IGF2R: variants seen among roughly 807,000 people sequenced by gnomAD.
IGF2R encodes cation-independent mannose-6-phosphate receptor.
IGF2R carries 91 observed loss-of-function variants against 270.6 expected under a neutral mutation model. That is an observed-to-expected ratio of 0.34 (90% CI 0.28 to 0.40). The LOEUF is 0.40. Ranked by LOEUF, IGF2R falls within the 10% of genes least tolerant of loss-of-function variation. The probability of loss-of-function intolerance (pLI) is 1.00; values close to 1 mark genes in which losing one functional copy is unlikely to be tolerated. For missense variants in IGF2R, 2,805 were observed against 3,188.3 expected, an observed-to-expected ratio of 0.88 and a Z score of 2.90; for synonymous variants, 1,316 against 1,258.9, an observed-to-expected ratio of 1.05 and a Z score of -0.96.
intron 4 of IGF2R, among the ~76,000 whole-genome samples, chr6:160,014,730 T>G (rs1777246627): frequency 6.6e-6 from 1 of 152,234 alleles, no homozygotes; most frequent in Admixed American, 6.5e-5. Flanking sequence ...GGTTAATGTT[T>G]TCATATGATC....
chr6:160,060,077 G>A (rs570595219), intron 22 of IGF2R, among the ~76,000 whole-genome samples: 4 of 152,342 alleles, frequency 2.6e-5, no homozygotes, highest in African/African-American at 9.6e-5. Flanking sequence ...CATCACATAG[G>A]CCACCATTGC....
intron 1 of IGF2R, among the ~76,000 whole-genome samples, chr6:159,975,311 T>C (rs949938256): frequency 2.6e-5 from 4 of 152,298 alleles, no homozygotes; most frequent in African/African-American, 9.6e-5. Flanking sequence ...AAGAGATGTT[T>C]AGGGCGAGGT....
chr6:160,035,644 A>G (rs1431751749), intron 10 of IGF2R, among the ~76,000 whole-genome samples: 3 of 152,194 alleles, frequency 2.0e-5, no homozygotes, highest in Non-Finnish European at 4.4e-5. Context: ...CCCTTTTGTT[A>G]CTTTCACAAT....
Position 160,047,222 on chromosome 6 carries a change from C to A in IGF2R, c.2115C>A (p.Ile705=). 1.9e-6 allele frequency: 3 copies of A among 1,613,982 alleles called. No individual in the cohort carries two copies. The African/African-American group carries it at 4.0e-5, about 22-fold the overall frequency. ...NAKLSYYDGM[I]QLNYRGGTPY... ...AGCTTTCATATTATGATGGGATGAT[C>A]CAACTGAACTACAGAGGCGGCACAC... The change falls in exon 16 of 48, where the codon ATC becomes ATA. Residue 705 remains isoleucine, a synonymous_variant. Coordinates refer to ENST00000356956, the MANE Select transcript of IGF2R (RefSeq NM_000876.4).
intron 1 of IGF2R, among the ~76,000 whole-genome samples, chr6:159,982,383 G>T (rs954716344): frequency 3.9e-5 from 6 of 152,218 alleles, no homozygotes; most frequent in Non-Finnish European, 4.4e-5. Context: ...GGACTTGCGT[G>T]CATGTCGAAA....
intron 41 of IGF2R, among the ~76,000 whole-genome samples, chr6:160,086,697 T>C (rs976752310): frequency 3.3e-5 from 5 of 152,218 alleles, no homozygotes; most frequent in African/African-American, 1.2e-4. Context: ...GCCCAATATT[T>C]AAAACAAATT....
intron 29 of IGF2R, 85 bp from the exon 30 acceptor site, chr6:160,068,164 A>G (rs548856338): frequency 2.2e-5 from 33 of 1,519,710 alleles, no homozygotes; most frequent in Non-Finnish European, 2.7e-5. Flanking sequence ...CTATGCCTGA[A>G]TACTTGAACG....
chr6:160,103,618 G>C (rs1779543195), intron 46 of IGF2R, 128 bp from the exon 47 acceptor site: 2 of 689,150 alleles, frequency 2.9e-6, no homozygotes, highest in Non-Finnish European at 5.3e-6. Context: ...TTGTCATTCA[G>C]AATGTGGGAG....
At chr6:159,981,985 C>G (rs1462497748) in intron 1 of IGF2R, among the ~76,000 whole-genome samples, 1 of 152,204 alleles carries the variant, frequency 6.6e-6, no homozygotes, top group African/African-American at 2.4e-5. Flanking sequence ...TATCTTTGTC[C>G]ACAGCTTTGT....
intron 4 of IGF2R, among the ~76,000 whole-genome samples, chr6:160,014,317 G>A (rs114333521): frequency 0.01 from 1,598 of 152,244 alleles, 21 homozygotes; most frequent in African/African-American, 0.035. Flanking sequence ...AAACAACCTC[G>A]CTCCCCAGGC....
intron 5 of IGF2R, 41 bp downstream of exon 5, chr6:160,024,745 T>C (rs763368368): frequency 1.9e-5 from 31 of 1,603,276 alleles, no homozygotes; most frequent in Non-Finnish European, 2.6e-5. Context: ...TGGTGAGGGA[T>C]TTCTTCTATG....
At position 159,996,600 on chromosome 6, in the gene IGF2R, C is replaced by CCTGGG. The variant is rs1311880445; in HGVS notation, c.289+5279_289+5283dup. On this transcript the variant is annotated intron_variant, in intron 2 of 47. Coordinates refer to ENST00000356956, the MANE Select transcript of IGF2R (RefSeq NM_000876.4). ...TGTGGGGGTTGCTCCAGCTCCATGG[C>CCTGGG]CTGGGCAGGTGGGAGCACAATCTGC... is the stretch of plus-strand genomic sequence containing the variant. Among the ~76,000 whole-genome samples, 9 of 152,288 alleles carry CCTGGG rather than the reference C, an allele frequency of 5.9e-5. No individual in the cohort carries two copies. The East Asian group carries it at 1.5e-3, about 26-fold the overall frequency.
rs1248807787 is a variant in IGF2R, at chr6:160,045,791, T to G, written c.1812T>G (p.Gly604=). ...TGTTGAGAACTTCTGGGGAAGGCGG[T>G]TGCTTTTATGAGTTTGAGTGGCACA... ...APVLRTSGEG[G]CFYEFEWHTA... The change falls in exon 14 of 48, where the codon GGT becomes GGG. Residue 604 remains glycine, a synonymous_variant. Coordinates refer to ENST00000356956, the MANE Select transcript of IGF2R (RefSeq NM_000876.4). 3 of 1,614,010 alleles carry G rather than the reference T, an allele frequency of 1.9e-6. No individual in the cohort carries two copies. In the South Asian group the frequency reaches 3.3e-5, roughly 18 times the overall value.
chr6:159,986,402 T>TTGTG (rs56105769), intron 1 of IGF2R, among the ~76,000 whole-genome samples: 3,429 of 131,896 alleles, frequency 0.026, 79 homozygotes, highest in South Asian at 0.05. Context: ...TGGCTAATTT[T>TTGTG]TGTGTGTGTG....
At chr6:160,066,198 G>A (rs990203482) in intron 29 of IGF2R, among the ~76,000 whole-genome samples, 1 of 151,898 alleles carries the variant, frequency 6.6e-6, no homozygotes, top group African/African-American at 2.4e-5. Context: ...TGTATTTTTA[G>A]TAGAGATGGG....
rs150037325 is a variant in IGF2R, at chr6:160,062,007, A to G, written c.3582+79A>G. The G allele has an allele frequency of 7.1e-4, 988 of 1,386,104 alleles. 8 individuals are homozygous for G. The African/African-American group carries it at 0.013, about 18-fold the overall frequency. 85.9% of individuals were successfully genotyped at this position (1,386,104 alleles called of 1,614,324 possible). On this transcript the variant is annotated intron_variant, in intron 25 of 47. Coordinates refer to ENST00000356956, the MANE Select transcript of IGF2R (RefSeq NM_000876.4). ...TTTCCCTTGAACCTCTGAATCTTCT[A>G]TCTTGTTTAAAACTTGCCTGTGTTT...
chr6:160,053,831 C>T (rs1778249694), intron 19 of IGF2R, among the ~76,000 whole-genome samples: 1 of 152,146 alleles, frequency 6.6e-6, no homozygotes, highest in Non-Finnish European at 1.5e-5. Context: ...GTCACCTCAG[C>T]CTCCTGAGTA....
At chr6:160,039,033 G>C (rs1244271265) in intron 10 of IGF2R, among the ~76,000 whole-genome samples, 1 of 152,182 alleles carries the variant, frequency 6.6e-6, no homozygotes, top group Non-Finnish European at 1.5e-5. Context: ...TTGCCATGGG[G>C]TTTTGAGGAT....
chr6:159,990,049 G>A (rs960688522), intron 1 of IGF2R, among the ~76,000 whole-genome samples: 4 of 152,226 alleles, frequency 2.6e-5, no homozygotes, highest in South Asian at 2.1e-4. Flanking sequence ...TCTGTCTTGC[G>A]AGTTCAGATC....
Sources: gnomAD v4.1 joint callset for allele counts (sites outside exome capture counted in the v4.1 genomes callset) on GRCh38, gnomAD v4.1.1 for gene constraint, MANE v1.5 for transcripts, NCBI Gene and HGNC (gene_info 2026-07-23, HGNC 2026-07-21) for gene names.